The following PLCB1 variants were observed in gnomAD, a reference collection of about 807,000 sequenced individuals.
PLCB1 encodes 1-phosphatidylinositol 4,5-bisphosphate phosphodiesterase beta-1.
Under a neutral mutation model 161.8 loss-of-function variants are expected in PLCB1, and 46 were observed. The ratio of observed to expected loss-of-function variants is 0.28; its 90% CI spans 0.22 to 0.36. The LOEUF is 0.36. Ranked by LOEUF, PLCB1 falls within the 10% of genes least tolerant of loss-of-function variation. PLCB1 has a pLI of 1.00. For missense variants in PLCB1, 1,016 were observed against 1,472.5 expected (o/e 0.69, Z 5.07); for synonymous variants, 517 against 503.7 (o/e 1.03, Z -0.35).
chr20:8,695,505 C>A (rs1568563787), intron 10 of PLCB1, among the ~76,000 whole-genome samples: 1 of 152,102 alleles, frequency 6.6e-6, no homozygotes, highest in East Asian at 1.9e-4. Flanking sequence ...AGTTTGAGAC[C>A]AACCTGGGCA....
intron 3 of PLCB1, among the ~76,000 whole-genome samples, chr20:8,616,473 A>T (rs1007508732): frequency 6.6e-6 from 1 of 152,082 alleles, no homozygotes. Flanking sequence ...ATTATGTTAG[A>T]CTCACCTACT....
In PLCB1 at chr20:8,739,374, G is replaced by C. The variant is rs768572485; in HGVS notation, c.2308+14G>C. On this transcript the variant is annotated intron_variant, in intron 21 of 31. Coordinates refer to ENST00000338037, the MANE Select transcript of PLCB1 (RefSeq NM_015192.4). ...CCATTCGGCCAGGTATGGGTAGTGT[G>C]CTGAGAAACCTTTTATCAAAGTTGC... The C allele has an allele frequency of 7.1e-5, 109 of 1,532,320 alleles. 3 individuals carry two copies. The South Asian group carries it at 7.5e-4, about 11-fold the overall frequency. 94.9% of individuals were successfully genotyped at this position (1,532,320 alleles called of 1,614,324 possible).
At chr20:8,769,593 T>A (rs1481424679) in intron 26 of PLCB1, among the ~76,000 whole-genome samples, 3 of 152,222 alleles carry the variant, frequency 2.0e-5, no homozygotes, top group East Asian at 1.9e-4. Flanking sequence ...TATGTAGAAT[T>A]GGTTGTACAT....
chr20:8,844,405 C>T (rs559367882), intron 31 of PLCB1, among the ~76,000 whole-genome samples: 2 of 152,146 alleles, frequency 1.3e-5, no homozygotes, highest in African/African-American at 2.4e-5. Flanking sequence ...AGCAAGGGCA[C>T]CACTGTCCAA....
chr20:8,219,868 GT>G (rs1261884688), intron 2 of PLCB1, among the ~76,000 whole-genome samples: 4 of 152,288 alleles, frequency 2.6e-5, no homozygotes, highest in African/African-American at 9.6e-5. Flanking sequence ...TTATTTATAA[GT>G]AGTACATGTG....
intron 25 of PLCB1, among the ~76,000 whole-genome samples, chr20:8,761,546 T>C (rs1449785910): frequency 1.3e-5 from 2 of 152,168 alleles, no homozygotes; most frequent in African/African-American, 4.8e-5. Context: ...TGAGACAAAG[T>C]CTCACTCTGC....
At chr20:8,753,182 G>A (rs1981572321) in intron 23 of PLCB1, among the ~76,000 whole-genome samples, 1 of 151,878 alleles carries the variant, frequency 6.6e-6, no homozygotes, top group Non-Finnish European at 1.5e-5. Context: ...CAAGCTCAGG[G>A]CTCTCACTGA....
intron 31 of PLCB1, among the ~76,000 whole-genome samples, chr20:8,849,223 G>T (rs1986801841): frequency 6.6e-6 from 1 of 152,150 alleles, no homozygotes; most frequent in African/African-American, 2.4e-5. Context: ...TCAAAATCTT[G>T]ATATTGAGTT....
At chr20:8,238,692 G>C (rs1980448733) in intron 2 of PLCB1, among the ~76,000 whole-genome samples, 1 of 152,004 alleles carries the variant, frequency 6.6e-6, no homozygotes, top group African/African-American at 2.4e-5. Context: ...GATGAAATAA[G>C]ACAGGCTCAA....
intron 3 of PLCB1, among the ~76,000 whole-genome samples, chr20:8,383,901 G>A (rs1372490455): frequency 6.6e-6 from 1 of 152,182 alleles, no homozygotes; most frequent in Non-Finnish European, 1.5e-5. Flanking sequence ...CTGTTGGTCT[G>A]ATGCGCTTCC....
chr20:8,270,938 G>A (rs1467484313), intron 2 of PLCB1, among the ~76,000 whole-genome samples: 1 of 152,104 alleles, frequency 6.6e-6, no homozygotes, highest in East Asian at 1.9e-4. Context: ...CCCTTTTGCT[G>A]ATAGAGCAAA....
rs561011417 is a variant in PLCB1, at chr20:8,338,775, T to C, written c.178-32607T>C. 6.6e-5 allele frequency among the ~76,000 whole-genome samples: 10 copies of C among 152,288 alleles called. No individual in the cohort carries two copies. The East Asian group carries it at 9.7e-4, about 15-fold the overall frequency. The stretch of plus-strand genomic sequence containing the variant: ...CATTTCATGGTCCCAGAAAATTCTC[T>C]TGTGCCCTCTTCCAGTCAATACCTC... On this transcript the variant is annotated intron_variant, in intron 2 of 31. Transcript: ENST00000338037.
intron 31 of PLCB1, among the ~76,000 whole-genome samples, chr20:8,857,940 T>G (rs1171452623): frequency 2.0e-5 from 3 of 152,220 alleles, no homozygotes; most frequent in Admixed American, 2.0e-4. Context: ...GTCTTCTCAT[T>G]ACTTCATAAC....
chr20:8,218,456 C>A (rs536046768), intron 2 of PLCB1, among the ~76,000 whole-genome samples: 1 of 152,204 alleles, frequency 6.6e-6, no homozygotes, highest in East Asian at 1.9e-4. Flanking sequence ...CTGCCTAGTT[C>A]AAATTTCAGC....
chr20:8,812,120 A>G (rs547524296), intron 31 of PLCB1, among the ~76,000 whole-genome samples: 2 of 152,260 alleles, frequency 1.3e-5, no homozygotes, highest in Non-Finnish European at 2.9e-5. Context: ...CTGGGGGGCT[A>G]GAGCCTTGCT....
At chr20:8,245,940 G>T (rs1377918584) in intron 2 of PLCB1, among the ~76,000 whole-genome samples, 1 of 151,882 alleles carries the variant, frequency 6.6e-6, no homozygotes, top group Non-Finnish European at 1.5e-5. Flanking sequence ...AAATCAGCAG[G>T]AGACCTCAGA....
At chr20:8,492,930 A>G (rs1983008290) in intron 3 of PLCB1, among the ~76,000 whole-genome samples, 1 of 152,044 alleles carries the variant, frequency 6.6e-6, no homozygotes, top group Non-Finnish European at 1.5e-5. Context: ...TGTTCATTAC[A>G]TAAGTTCCTA....
At chr20:8,213,235 A>G (rs1248011711) in intron 2 of PLCB1, among the ~76,000 whole-genome samples, 1 of 152,176 alleles carries the variant, frequency 6.6e-6, no homozygotes, top group African/African-American at 2.4e-5. Flanking sequence ...GTGGATCAAG[A>G]AAAAAATGTC....
chr20:8,218,927 G>T (rs955873658), intron 2 of PLCB1, among the ~76,000 whole-genome samples: 1 of 152,034 alleles, frequency 6.6e-6, no homozygotes, highest in Non-Finnish European at 1.5e-5. Flanking sequence ...GTGTTTTATT[G>T]AGCTGTGAAT....
Sources: allele counts gnomAD v4.1 joint callset (sites outside exome capture counted in the v4.1 genomes callset), GRCh38; gene constraint gnomAD v4.1.1; transcripts MANE v1.5; gene names NCBI Gene and HGNC (gene_info 2026-07-23, HGNC 2026-07-21).